CHD9: variants seen among roughly 807,000 people sequenced by gnomAD.
The protein encoded by CHD9 is ATP-dependent chromatin remodeler CHD9.
Under a neutral mutation model 316.1 loss-of-function variants are expected in CHD9, and 77 were observed. The observed-to-expected ratio is 0.24, with a 90% confidence interval of 0.20 to 0.29. The LOEUF (loss-of-function observed/expected upper bound fraction) is 0.29, where lower values mean the gene tolerates loss of function less well. Ranked by LOEUF, CHD9 falls within the 10% of genes least tolerant of loss-of-function variation. CHD9 has a pLI of 1.00. For missense variants in CHD9, 2,763 were observed against 3,438.1 expected, an observed-to-expected ratio of 0.80 and a Z score of 4.91; for synonymous variants, 1,129 against 1,158.3, an observed-to-expected ratio of 0.97 and a Z score of 0.51.
chr16:53,192,926 C>G (rs1432069984), intron 2 of CHD9, among the ~76,000 whole-genome samples: 1 of 152,084 alleles, frequency 6.6e-6, no homozygotes, highest in African/African-American at 2.4e-5. Flanking sequence ...AATAAAGCCT[C>G]TATAAACATG....
At chr16:53,093,547 A>G (rs1265412974) in intron 1 of CHD9, among the ~76,000 whole-genome samples, 1 of 152,194 alleles carries the variant, frequency 6.6e-6, no homozygotes, top group Non-Finnish European at 1.5e-5. Context: ...AGGGCAGTGA[A>G]GGAGTCATAC....
At chr16:53,306,149 G>T in intron 31 of CHD9, 88 bp from the exon 32 acceptor site, 2 of 697,034 alleles carry the variant, frequency 2.9e-6, no homozygotes, top group Non-Finnish European at 4.2e-6. Context: ...TTCATTTTCA[G>T]GTGTTTCTGA....
At chr16:53,111,282 G>A (rs568468062) in intron 1 of CHD9, among the ~76,000 whole-genome samples, 3 of 152,162 alleles carry the variant, frequency 2.0e-5, no homozygotes, top group Non-Finnish European at 2.9e-5. Flanking sequence ...GAGCTGGGGA[G>A]GGTCGGGGAA....
chr16:53,207,315 A>G (rs974878314), intron 2 of CHD9, among the ~76,000 whole-genome samples: 2 of 152,348 alleles, frequency 1.3e-5, no homozygotes, highest in South Asian at 2.1e-4. Flanking sequence ...AACTAAACCT[A>G]CAGTTTTACC....
intron 1 of CHD9, among the ~76,000 whole-genome samples, chr16:53,086,452 C>G (rs56156321): frequency 0.11 from 16,958 of 152,180 alleles, 1,340 homozygotes; most frequent in East Asian, 0.43. Context: ...CTGTCAGCCC[C>G]TGCCAAACAG....
intron 1 of CHD9, among the ~76,000 whole-genome samples, chr16:53,068,591 C>G (rs987455059): frequency 1.3e-5 from 2 of 152,214 alleles, no homozygotes; most frequent in Non-Finnish European, 1.5e-5. Context: ...CCTCTCTCCT[C>G]CTGGGAACTG....
intron 24 of CHD9, among the ~76,000 whole-genome samples, chr16:53,284,852 A>G (rs1163068205): frequency 1.3e-5 from 2 of 152,132 alleles, no homozygotes; most frequent in East Asian, 1.9e-4. Context: ...TGTCACCCCA[A>G]CTTCCCAGGC....
intron 3 of CHD9, among the ~76,000 whole-genome samples, chr16:53,211,964 CA>C (rs1163486205): frequency 6.6e-6 from 1 of 152,028 alleles, no homozygotes; most frequent in Non-Finnish European, 1.5e-5. Context: ...CAACTAGCAC[CA>C]TTTTATAATT....
chr16:53,321,963 T>A (rs968773654), intron 38 of CHD9, among the ~76,000 whole-genome samples: 2 of 151,650 alleles, frequency 1.3e-5, no homozygotes, highest in African/African-American at 2.4e-5. Flanking sequence ...TCATTAAGAT[T>A]CTGGAAAACT....
chr16:53,300,358 A>C (rs1050367449), intron 30 of CHD9, among the ~76,000 whole-genome samples: 1 of 152,178 alleles, frequency 6.6e-6, no homozygotes, highest in African/African-American at 2.4e-5. Flanking sequence ...GTCTCAAAAA[A>C]AAAAAAAGAA....
At chr16:53,314,650 G>A (rs2056744064) in intron 35 of CHD9, 134 bp downstream of exon 35, 1 of 986,796 alleles carries the variant, frequency 1.0e-6, no homozygotes, top group East Asian at 2.6e-5. Context: ...AATTTTAGAT[G>A]ATATCTTAGA....
chr16:53,132,794 T>C lies in CHD9; in HGVS notation c.-164-23132T>C, dbSNP rs908996294. Among the ~76,000 whole-genome samples the C allele has an allele frequency of 2.4e-3, 184 of 75,740 alleles. 1 individual carries two copies. The highest frequency in any genetic ancestry group is 8.2e-3 in the African/African-American group (175 of 21,410). 49.7% of individuals were successfully genotyped at this position (75,740 alleles called of 152,430 possible). ...GACTTTCCATTTCTTCTAATTCTGC[T>C]TTTTTTTTTTTTTTTTTTTTTTTTT... On this transcript the variant is annotated intron_variant, in intron 1 of 38. Transcript: ENST00000447540.
At position 53,324,033 on chromosome 16, in the gene CHD9, A is replaced by G; in HGVS notation, c.7832A>G (p.Glu2611Gly). ...DVVKQSGFLP[E>G]SMYERILTGP... ...TATTTCTTCCAGGGATTTCTTCCAG[A>G]AAGCATGTATGAACGTATTCTCACT... Residue 2611 changes from glutamate (E) to glycine (G), a missense_variant, in exon 39 of 39, where the codon GAA becomes GGA. Physicochemically the swap from Glu to Gly is moderately conservative, Grantham distance 98 (BLOSUM62 -2). Coordinates refer to ENST00000447540, the MANE Select transcript of CHD9 (RefSeq NM_001308319.2). 4 of 1,600,674 alleles carry G rather than the reference A, an allele frequency of 2.5e-6. No homozygotes were observed. The highest frequency in any genetic ancestry group is 1.7e-5 in the Admixed American group (1 of 58,934).
chr16:53,165,722 A>C (rs530119109), intron 2 of CHD9, among the ~76,000 whole-genome samples: 7 of 105,934 alleles, frequency 6.6e-5, no homozygotes, highest in Non-Finnish European at 1.5e-4. Flanking sequence ...AGCAATGCTC[A>C]CACCCAAGCT....
At chr16:53,180,712 G>A (rs946862722) in intron 2 of CHD9, among the ~76,000 whole-genome samples, 2 of 150,884 alleles carry the variant, frequency 1.3e-5, no homozygotes, top group South Asian at 4.2e-4. Context: ...TCGCTCTGTC[G>A]CCCAGGCTGG....
At chr16:53,204,060 C>T (rs71388294) in intron 2 of CHD9, among the ~76,000 whole-genome samples, 1,339 of 44,922 alleles carry the variant, frequency 0.03, 31 homozygotes, top group African/African-American at 0.1. Context: ...TATATATATA[C>T]ACACACACAC....
chr16:53,102,675 C>T (rs2036984039), intron 1 of CHD9, among the ~76,000 whole-genome samples: 1 of 150,576 alleles, frequency 6.6e-6, no homozygotes, highest in African/African-American at 2.4e-5. Flanking sequence ...CATAGCAAGA[C>T]TCCATCTCTG....
chr16:53,170,900 A>T (rs892038894), intron 2 of CHD9, among the ~76,000 whole-genome samples: 1 of 152,086 alleles, frequency 6.6e-6, no homozygotes, highest in South Asian at 2.1e-4. Context: ...TATGTTAGGC[A>T]TTCTGCTTTT....
chr16:53,058,184 G>A (rs1032639588), intron 1 of CHD9, among the ~76,000 whole-genome samples: 3 of 152,078 alleles, frequency 2.0e-5, no homozygotes, highest in Non-Finnish European at 4.4e-5. Context: ...GCAGTGGCAC[G>A]ATGTCAGCTC....
Sources: gnomAD v4.1 joint callset for allele counts (sites outside exome capture counted in the v4.1 genomes callset) on GRCh38, gnomAD v4.1.1 for gene constraint, MANE v1.5 for transcripts, NCBI Gene and HGNC (gene_info 2026-07-23, HGNC 2026-07-21) for gene names.